USP46: variants seen among roughly 807,000 people sequenced by gnomAD.
The protein encoded by USP46 is ubiquitin specific peptidase 46, also known as ubiquitin carboxyl-terminal hydrolase 46.
USP46 carries 12 observed loss-of-function variants against 44.4 expected under a neutral mutation model. The observed-to-expected ratio is 0.27, with a 90% CI of 0.17 to 0.44. USP46 has a LOEUF of 0.44. Ranked by LOEUF, USP46 falls within the 20% of genes least tolerant of loss-of-function variation. USP46 has a pLI of 1.00. For synonymous variants in USP46, 155 were observed against 161.5 expected, an observed-to-expected ratio of 0.96 and a Z score of 0.31; for missense variants, 248 against 444.8, an observed-to-expected ratio of 0.56 and a Z score of 3.98.
intron 2 of USP46, among the ~76,000 whole-genome samples, chr4:52,630,180 G>A (rs950144727): frequency 1.1e-4 from 16 of 152,170 alleles, no homozygotes; most frequent in Non-Finnish European, 2.1e-4. Context: ...TTACTACTCC[G>A]TTATCATTAA....
At chr4:52,638,631 T>C (rs974351035) in intron 1 of USP46, among the ~76,000 whole-genome samples, 1 of 147,792 alleles carries the variant, frequency 6.8e-6, no homozygotes, top group Non-Finnish European at 1.5e-5. Flanking sequence ...ATATATAATA[T>C]ATATAATTTT....
intron 1 of USP46, among the ~76,000 whole-genome samples, chr4:52,638,660 T>TG (rs1718213471): frequency 6.7e-6 from 1 of 148,774 alleles, no homozygotes; most frequent in African/African-American, 2.5e-5. Context: ...ATTTTTTTTA[T>TG]GAAAAAAATA....
At chr4:52,626,904 A>G (rs1250962775) in intron 3 of USP46, among the ~76,000 whole-genome samples, 1 of 152,218 alleles carries the variant, frequency 6.6e-6, no homozygotes, top group Non-Finnish European at 1.5e-5. Context: ...ATGATCAATT[A>G]ATTATTCATT....
chr4:52,593,138 A>G lies in USP46; in HGVS notation c.*4502T>C, dbSNP rs150183803. On this transcript the variant is annotated 3_prime_UTR_variant, in exon 9 of 9. Coordinates refer to ENST00000441222, the MANE Select transcript of USP46 (RefSeq NM_022832.4). ...TAAGGGAATGGAAATGGAAGGCTTC[A>G]TTTTTTTAGTAAAGGTATTTTAAGT... The G allele has an allele frequency of 5.1e-6, 2 of 393,458 alleles. No individual in the cohort carries two copies. The highest frequency in any genetic ancestry group is 4.1e-5 in the African/African-American group (2 of 48,644). 24.4% of individuals were successfully genotyped at this position (393,458 alleles called of 1,614,324 possible).
At chr4:52,618,665 T>A (rs1717257591) in intron 4 of USP46, among the ~76,000 whole-genome samples, 1 of 152,170 alleles carries the variant, frequency 6.6e-6, no homozygotes, top group Non-Finnish European at 1.5e-5. Flanking sequence ...TTCTGCACTG[T>A]TCAATCATGA....
intron 5 of USP46, among the ~76,000 whole-genome samples, chr4:52,605,635 G>A (rs1716658451): frequency 6.6e-6 from 1 of 152,140 alleles, no homozygotes; most frequent in African/African-American, 2.4e-5. Context: ...CTAGGTTCTG[G>A]GGATCCACAG....
At chr4:52,630,119 C>G (rs967577704) in intron 2 of USP46, among the ~76,000 whole-genome samples, 3 of 152,138 alleles carry the variant, frequency 2.0e-5, no homozygotes, top group Non-Finnish European at 4.4e-5. Flanking sequence ...GAAAAAGGAT[C>G]AAGTGAAGAA....
intron 5 of USP46, among the ~76,000 whole-genome samples, chr4:52,608,854 A>G (rs1716804770): frequency 6.6e-6 from 1 of 152,128 alleles, no homozygotes; most frequent in African/African-American, 2.4e-5. Flanking sequence ...GAGGAAAGAG[A>G]AGGTGGTGGT....
chr4:52,597,846 G>A, intron 8 of USP46, 105 bp from the exon 9 acceptor site: 1 of 844,218 alleles, frequency 1.2e-6, no homozygotes, highest in Non-Finnish European at 1.8e-6. Flanking sequence ...AACACAATTT[G>A]TTATGAAATC....
rs1331569976 is a variant in USP46 at position 52,631,083 on chromosome 4, T to C, written c.98A>G (p.His33Arg). 1 of 1,566,728 alleles carries C rather than the reference T, an allele frequency of 6.4e-7. No homozygotes were observed. Reference sequence around the variant, plus strand: ...ACTTACATTGACCAATCCGAAATAGTGTTCATTGATTGGAAACTGCTCTGG... The same window carrying C: ...ACTTACATTGACCAATCCGAAATAGCGTTCATTGATTGGAAACTGCTCTGG... ...IGPEQFPINE[H>R]YFGLVNFGNT... is the part of the protein sequence containing the mutation. The change falls in exon 2 of 9, where the codon CAC becomes CGC. Residue 33 changes from histidine (H) to arginine (R), a missense_variant. Around this residue, in one of 5 missense-constraint regions of USP46, gnomAD observed 54 missense variants for 135.0 expected, o/e 0.40. Coordinates refer to ENST00000441222, the MANE Select transcript of USP46 (RefSeq NM_022832.4).
chr4:52,612,638 T>C (rs1716977701), intron 4 of USP46, among the ~76,000 whole-genome samples: 2 of 152,250 alleles, frequency 1.3e-5, no homozygotes, highest in Admixed American at 1.3e-4. Flanking sequence ...GGAGGAAAGC[T>C]GTCCTAACCA....
At chr4:52,633,905 C>T (rs1488282686) in intron 1 of USP46, among the ~76,000 whole-genome samples, 1 of 152,074 alleles carries the variant, frequency 6.6e-6, no homozygotes, top group Non-Finnish European at 1.5e-5. Context: ...CAGGACAGGA[C>T]AAAACAGCAC....
In USP46 at chr4:52,591,997, G is replaced by A. The variant is rs144057159; in HGVS notation, c.*5643C>T. The A allele has an allele frequency of 6.6e-6, 1 of 152,194 alleles. No individual in the cohort carries two copies. The highest frequency in any genetic ancestry group is 6.5e-5 in the Admixed American group (1 of 15,280). 9.4% of individuals were successfully genotyped at this position (152,194 alleles called of 1,614,324 possible). On this transcript the variant is annotated 3_prime_UTR_variant, in exon 9 of 9. Transcript: ENST00000441222. ...AAAATGTGTTGTCCCTGAGCTAGAAGGCAGGCTGGGAAGAGTGTGGGGCTC... is the reference window on the plus strand; with the variant it reads ...AAAATGTGTTGTCCCTGAGCTAGAAAGCAGGCTGGGAAGAGTGTGGGGCTC...
intron 1 of USP46, among the ~76,000 whole-genome samples, chr4:52,658,719 T>C (rs1482787028): frequency 6.6e-6 from 1 of 152,142 alleles, no homozygotes; most frequent in African/African-American, 2.4e-5. Context: ...AGTCTGGACG[T>C]CCAATAAGGC....
intron 5 of USP46, among the ~76,000 whole-genome samples, chr4:52,605,263 C>T (rs917514826): frequency 2.6e-5 from 4 of 152,152 alleles, no homozygotes; most frequent in African/African-American, 9.7e-5. Flanking sequence ...AGAACAAAAG[C>T]CATTGTGTTT....
chr4:52,619,127 C>T (rs537021284), intron 4 of USP46, among the ~76,000 whole-genome samples: 77 of 152,088 alleles, frequency 5.1e-4, no homozygotes, highest in Non-Finnish European at 8.7e-4. Context: ...GTGGAAAATC[C>T]CCAAGACCCA....
intron 1 of USP46, among the ~76,000 whole-genome samples, chr4:52,637,694 C>A (rs1055277869): frequency 6.6e-6 from 1 of 152,168 alleles, no homozygotes; most frequent in Non-Finnish European, 1.5e-5. Context: ...CAACCACATC[C>A]TGAATGGCTT....
intron 7 of USP46, among the ~76,000 whole-genome samples, chr4:52,600,179 C>T (rs531268132): frequency 6.6e-6 from 1 of 152,036 alleles, no homozygotes; most frequent in Non-Finnish European, 1.5e-5. Context: ...GGGCAGGGTC[C>T]CTGTGCTGTG....
chr4:52,608,302 C>T (rs1716778414), intron 5 of USP46, among the ~76,000 whole-genome samples: 2 of 152,158 alleles, frequency 1.3e-5, no homozygotes, highest in Admixed American at 1.3e-4. Flanking sequence ...CAATTAAAAT[C>T]TTCTTTTTCA....
Sources: gnomAD v4.1 joint callset for allele counts (sites outside exome capture counted in the v4.1 genomes callset) on GRCh38, gnomAD v4.1.1 for gene constraint, gnomAD v4.1.1 regional missense constraint, MANE v1.5 for transcripts, NCBI Gene and HGNC (gene_info 2026-07-23, HGNC 2026-07-21) for gene names.